EXT1: variants seen among roughly 807,000 people sequenced by gnomAD.
EXT1 encodes exostosin glycosyltransferase 1.
EXT1 carries 20 observed loss-of-function variants against 82.5 expected under a neutral mutation model. The ratio of observed to expected loss-of-function variants is 0.24; its 90% CI spans 0.17 to 0.35. EXT1 has a LOEUF of 0.35. EXT1 is among the 10% of genes least tolerant of loss of function. The probability of loss-of-function intolerance (pLI) is 1.00; values close to 1 mark genes in which losing one functional copy is unlikely to be tolerated. For missense variants in EXT1, 757 were observed against 936.5 expected (o/e 0.81, Z 2.50); for synonymous variants, 348 against 350.8 (o/e 0.99, Z 0.09).
At chr8:117,809,167 G>C (rs1021602965) in intron 8 of EXT1, among the ~76,000 whole-genome samples, 3 of 146,806 alleles carry the variant, frequency 2.0e-5, no homozygotes, top group African/African-American at 7.5e-5. Flanking sequence ...ATGTATGTAT[G>C]TATGTATGTA....
intron 1 of EXT1, among the ~76,000 whole-genome samples, chr8:118,098,328 C>T (rs1433397964): frequency 6.6e-6 from 1 of 152,094 alleles, no homozygotes; most frequent in Non-Finnish European, 1.5e-5. Context: ...TCCTGGGCCC[C>T]TCCCTTCTCC....
chr8:118,104,061 T>C (rs1358252565), intron 1 of EXT1, among the ~76,000 whole-genome samples: 1 of 152,242 alleles, frequency 6.6e-6, no homozygotes, highest in Admixed American at 6.5e-5. Context: ...AGTACCCAGG[T>C]AGGAACCCTG....
At chr8:118,004,314 C>T (rs987738892) in intron 1 of EXT1, among the ~76,000 whole-genome samples, 3 of 152,200 alleles carry the variant, frequency 2.0e-5, no homozygotes, top group African/African-American at 7.2e-5. Context: ...TGTGTATGCA[C>T]GTGCATGTGG....
chr8:117,808,661 C>A (rs553644995), intron 8 of EXT1, among the ~76,000 whole-genome samples: 2 of 152,128 alleles, frequency 1.3e-5, no homozygotes, highest in African/African-American at 4.8e-5. Context: ...AGCTGGGGGA[C>A]GGAGGGATGC....
chr8:118,036,679 T>G (rs1489285603), intron 1 of EXT1, among the ~76,000 whole-genome samples: 1 of 152,152 alleles, frequency 6.6e-6, no homozygotes, highest in Non-Finnish European at 1.5e-5. Context: ...ATGTACACAT[T>G]TAGTAAGGTC....
chr8:118,016,228 C>T (rs1319618360), intron 1 of EXT1, among the ~76,000 whole-genome samples: 6 of 152,032 alleles, frequency 3.9e-5, no homozygotes, highest in African/African-American at 1.2e-4. Flanking sequence ...ACCATCTCTA[C>T]CAAAAATAAA....
intron 1 of EXT1, among the ~76,000 whole-genome samples, chr8:118,050,867 C>T (rs1422531405): frequency 6.6e-6 from 1 of 152,116 alleles, no homozygotes; most frequent in Non-Finnish European, 1.5e-5. Context: ...TGATATTGCT[C>T]TAAGAATTAG....
chr8:118,025,150 G>A (rs1816180030), intron 1 of EXT1, among the ~76,000 whole-genome samples: 1 of 152,164 alleles, frequency 6.6e-6, no homozygotes, highest in African/African-American at 2.4e-5. Context: ...GAAGGGACAG[G>A]AGTCATTTGC....
Position 117,797,752 on chromosome 8 carries a change from C to T in EXT1, c.*1960G>A, listed in dbSNP as rs543565871. On this transcript the variant is annotated 3_prime_UTR_variant, in exon 11 of 11. Coordinates refer to ENST00000378204, the MANE Select transcript of EXT1 (RefSeq NM_000127.3). The stretch of plus-strand genomic sequence containing the variant: ...AGACACAAGTGCAAGCACCATGGAC[C>T]TAAGAATTATTTTTCAACAAATGCC... 20 of 152,216 alleles carry T rather than the reference C, an allele frequency of 1.3e-4. No individual in the cohort carries two copies. The highest frequency in any genetic ancestry group is 1.2e-3 in the Admixed American group (18 of 15,284). The allele number at this position is 152,216 out of a possible 1,614,324, so 9.4% of individuals were successfully genotyped here. A position where few individuals can be genotyped will look rare whatever the true frequency, so the allele number is the denominator to read the frequency against.
intron 1 of EXT1, among the ~76,000 whole-genome samples, chr8:117,924,190 T>C (rs774437635): frequency 8.5e-5 from 13 of 152,216 alleles, no homozygotes; most frequent in Non-Finnish European, 1.2e-4. Context: ...TTCCCTTCTC[T>C]GTCCCCACTG....
chr8:118,075,569 T>G (rs1210875303), intron 1 of EXT1, among the ~76,000 whole-genome samples: 1 of 152,192 alleles, frequency 6.6e-6, no homozygotes, highest in Non-Finnish European at 1.5e-5. Flanking sequence ...TTTGGTTTTT[T>G]TGTTTTATAG....
intron 1 of EXT1, among the ~76,000 whole-genome samples, chr8:117,857,381 C>T (rs1445300686): frequency 6.6e-6 from 1 of 151,740 alleles, no homozygotes; most frequent in African/African-American, 2.4e-5. Flanking sequence ...CATAGCAAGA[C>T]CTCATCTCTA....
At chr8:117,872,794 AAC>A (rs953270654) in intron 1 of EXT1, among the ~76,000 whole-genome samples, 5 of 151,896 alleles carry the variant, frequency 3.3e-5, no homozygotes, top group African/African-American at 1.2e-4. Context: ...AAGATCTCCA[AAC>A]ACATATTAAA....
At chr8:118,090,720 AG>A (rs1817507064) in intron 1 of EXT1, among the ~76,000 whole-genome samples, 1 of 131,416 alleles carries the variant, frequency 7.6e-6, no homozygotes, top group Admixed American at 9.2e-5. Flanking sequence ...CAGAGGTTGC[AG>A]TGGGCCAAGA....
At chr8:118,012,300 G>T (rs922511279) in intron 1 of EXT1, among the ~76,000 whole-genome samples, 1 of 152,226 alleles carries the variant, frequency 6.6e-6, no homozygotes, top group Non-Finnish European at 1.5e-5. Context: ...ACAGGACAGA[G>T]TTTCTTCCAC....
chr8:117,962,923 CCT>C (rs1395948577), intron 1 of EXT1, among the ~76,000 whole-genome samples: 14 of 152,102 alleles, frequency 9.2e-5, no homozygotes, highest in Admixed American at 5.2e-4. Flanking sequence ...GGTACACACC[CCT>C]GATAGCATTA....
chr8:117,909,373 G>T (rs189044288), intron 1 of EXT1, among the ~76,000 whole-genome samples: 2 of 152,250 alleles, frequency 1.3e-5, no homozygotes, highest in Admixed American at 6.5e-5. Context: ...GGAGTTTAAA[G>T]AGATCAAATA....
rs1816066144 is a variant in EXT1 at position 118,019,662 on chromosome 8, T to C, written c.962+90423A>G. On this transcript the variant is annotated intron_variant, in intron 1 of 10. Transcript: ENST00000378204. ...ACCATACCCAACAATGCTCACAGGGTGACCTGAACAGAATGAAGTTTTCTG... is the reference window on the plus strand; with the variant it reads ...ACCATACCCAACAATGCTCACAGGGCGACCTGAACAGAATGAAGTTTTCTG... Among the ~76,000 whole-genome samples the C allele has an allele frequency of 2.0e-5, 3 of 152,198 alleles. No individual in the cohort carries two copies. In the South Asian group the frequency reaches 6.2e-4, roughly 32 times the overall value.
intron 1 of EXT1, among the ~76,000 whole-genome samples, chr8:118,035,360 A>G (rs1005181572): frequency 6.6e-6 from 1 of 152,046 alleles, no homozygotes; most frequent in Non-Finnish European, 1.5e-5. Context: ...TTCCAAAACC[A>G]CCCTCTTGGA....
Sources: gnomAD v4.1 joint callset for allele counts (sites outside exome capture counted in the v4.1 genomes callset) on GRCh38, gnomAD v4.1.1 for gene constraint, MANE v1.5 for transcripts, NCBI Gene and HGNC (gene_info 2026-07-23, HGNC 2026-07-21) for gene names.